Variants in IMPDH1 observed in about 807,000 individuals in gnomAD.
The protein encoded by IMPDH1 is inosine-5'-monophosphate dehydrogenase 1.
IMPDH1 carries 41 observed loss-of-function variants against 73.5 expected under a neutral mutation model. That is an observed-to-expected ratio of 0.56 (90% CI 0.43 to 0.72). The LOEUF (loss-of-function observed/expected upper bound fraction) is 0.72. Ranked by LOEUF, IMPDH1 falls within the 30% of genes least tolerant of loss-of-function variation. The probability of loss-of-function intolerance (pLI) is 0.00; values close to 1 mark genes in which losing one functional copy is unlikely to be tolerated. For synonymous variants in IMPDH1, 318 were observed against 334.3 expected (o/e 0.95, Z 0.53); for missense variants, 645 against 824.8 (o/e 0.78, Z 2.67).
chr7:128,399,571 T>C (rs974505485), intron 9 of IMPDH1, among the ~76,000 whole-genome samples: 2 of 150,356 alleles, frequency 1.3e-5, no homozygotes, highest in African/African-American at 2.5e-5. Flanking sequence ...CCTGTAATCC[T>C]GGCTACTCAG....
intron 4 of IMPDH1, among the ~76,000 whole-genome samples, chr7:128,404,022 C>T (rs954500859): frequency 1.3e-5 from 2 of 152,232 alleles, no homozygotes; most frequent in Non-Finnish European, 2.9e-5. Flanking sequence ...ATATCCATTG[C>T]CTTTAAGTCT....
At chr7:128,400,671 G>T in intron 7 of IMPDH1, 132 bp from the exon 8 acceptor site, 1 of 1,179,618 alleles carries the variant, frequency 8.5e-7, no homozygotes, top group Non-Finnish European at 1.3e-6. Context: ...GAGCCAGTGG[G>T]AAAATGAGGG....
chr7:128,409,961 A>C lies in IMPDH1; in HGVS notation c.-60T>G. Reference sequence around the variant, plus strand: ...GAGGCTCCCGGGGCCCCGGCTGGGCAGTGAGCGCAGCCCGGTCGAGTCCCG... The same window carrying C: ...GAGGCTCCCGGGGCCCCGGCTGGGCCGTGAGCGCAGCCCGGTCGAGTCCCG... On this transcript the variant is annotated 5_prime_UTR_variant, in exon 1 of 17. Transcript: ENST00000338791. 1 of 1,299,748 alleles carries C rather than the reference A, an allele frequency of 7.7e-7. No individual in the cohort carries two copies. The highest frequency in any genetic ancestry group is 9.8e-7 in the Non-Finnish European group (1 of 1,023,290). 80.5% of individuals were successfully genotyped at this position (1,299,748 alleles called of 1,614,324 possible).
In IMPDH1 at chr7:128,405,753, G is replaced by A; in HGVS notation, c.353+14C>T. ...TGGATGCGCGCACCTAGGGGTACGA[G>A]ACCCGGCGCTTACTTGTAGGTGAGG... On this transcript the variant is annotated intron_variant, in intron 4 of 16. Transcript: ENST00000338791. The A allele has an allele frequency of 2.0e-6, 3 of 1,533,822 alleles. No homozygotes were observed. The highest frequency in any genetic ancestry group is 1.4e-5 in the African/African-American group (1 of 70,962).
chr7:128,406,310 A>ACCCCCCCAC (rs1798771323), intron 3 of IMPDH1, among the ~76,000 whole-genome samples: 1 of 17,518 alleles, frequency 5.7e-5, no homozygotes, highest in African/African-American at 2.4e-4. Context: ...CACACCCCCC[A>ACCCCCCCAC]CCCCCCCCAC....
At chr7:128,400,739 C>G (rs1266707387) in intron 7 of IMPDH1, 78 bp downstream of exon 7, 1 of 1,318,828 alleles carries the variant, frequency 7.6e-7, no homozygotes, top group Non-Finnish European at 1.1e-6. Flanking sequence ...CAGTGCAGGG[C>G]TGGCAGGGGA....
At position 128,394,441 on chromosome 7, in the gene IMPDH1, A is replaced by C. The variant is rs1189255560; in HGVS notation, c.1694+15T>G. ...GAGAAAGGAAGCAGGAGCCACCCCC[A>C]GTCTCAGCACTCACCGAAGGACAGA... is the stretch of plus-strand genomic sequence containing the variant. On this transcript the variant is annotated intron_variant, in intron 15 of 16. Transcript: ENST00000338791. The surrounding 1 kb of genome is among the most constrained non-coding windows in gnomAD (Gnocchi z 5.5). 1 of 1,614,008 alleles carries C rather than the reference A, an allele frequency of 6.2e-7. No individual in the cohort carries two copies. The highest frequency in any genetic ancestry group is 8.5e-7 in the Non-Finnish European group (1 of 1,179,976).
chr7:128,404,186 G>A (rs1798541726), intron 4 of IMPDH1, among the ~76,000 whole-genome samples: 1 of 152,214 alleles, frequency 6.6e-6, no homozygotes, highest in Non-Finnish European at 1.5e-5. Context: ...AACACAGTAT[G>A]AACATGACCC....
rs143391643 is a variant in IMPDH1 at position 128,394,564 on chromosome 7, G to A, written c.1586C>T (p.Ser529Leu). Residue 529 changes from serine to leucine, a missense_variant, in exon 15 of 17, where the codon TCG (serine) becomes TTG (leucine). By Grantham distance (145) the Ser-to-Leu change is moderately radical. This residue lies in a region of IMPDH1 where 459 missense variants were observed against 638.2 expected (regional missense o/e 0.72). Transcript: ENST00000338791. This position sits in a 1 kb window ranked among gnomAD's most constrained non-coding sequence, Gnocchi z 5.5. ...GGATCCTTTGTCCTGGATGGAGCCC[G>A]AGACACCCTGCGCGATCTTCACTTT... Reference protein sequence around the residue: ...GDKVKIAQGVSGSIQDKGSIQ... With the variant: ...GDKVKIAQGVLGSIQDKGSIQ... The A allele has an allele frequency of 2.5e-6, 4 of 1,613,698 alleles. No individual in the cohort carries two copies. Among genetic ancestry groups the A allele is most frequent in the Middle Eastern group, 1.6e-4 (1 of 6,062 alleles).
In IMPDH1 at chr7:128,395,274, A is replaced by C. The variant is rs1797834925; in HGVS notation, c.1262T>G (p.Val421Gly). The stretch of plus-strand genomic sequence containing the variant: ...GCCCTGGGGCCGACCACAGGCCATC[A>C]CTGGGGGAGGGTGGGGTGCACAAGG... ...GCGSICITQEVMACGRPQGTA... is the reference protein window; with the variant it reads ...GCGSICITQEGMACGRPQGTA... Residue 421 changes from valine to glycine, a missense_variant and splice_region_variant, in exon 13 of 17, where the codon GTG becomes GGG. Physicochemically the swap from Val to Gly is moderately radical, Grantham distance 109. Coordinates refer to ENST00000338791, the MANE Select transcript of IMPDH1 (RefSeq NM_000883.4). The C allele has an allele frequency of 5.6e-6, 9 of 1,613,098 alleles. No homozygotes were observed. Among genetic ancestry groups the C allele is most frequent in the Non-Finnish European group, 5.9e-6 (7 of 1,180,010 alleles).
intron 8 of IMPDH1, 31 bp from the exon 9 acceptor site, chr7:128,400,213 T>C: frequency 6.2e-7 from 1 of 1,613,388 alleles, no homozygotes; most frequent in Non-Finnish European, 8.5e-7. Context: ...GCCTGCAGGT[T>C]GGCAGGTGAG....
chr7:128,405,870 C>G lies in IMPDH1; in HGVS notation c.255-5G>C. The G allele has an allele frequency of 6.6e-7, 1 of 1,520,060 alleles. No individual in the cohort carries two copies. Among genetic ancestry groups the G allele is most frequent in the Non-Finnish European group, 8.8e-7 (1 of 1,135,590 alleles). 94.2% of individuals were successfully genotyped at this position (1,520,060 alleles called of 1,614,324 possible). A position where few individuals can be genotyped will look rare whatever the true frequency, so the allele number is the denominator to read the frequency against. On this transcript the variant is annotated splice_polypyrimidine_tract_variant and splice_region_variant and intron_variant, in intron 3 of 16. Coordinates refer to ENST00000338791, the MANE Select transcript of IMPDH1 (RefSeq NM_000883.4). ...CTGATCAGGTAGTCCGCCATGCTGC[C>G]GCGAGACCCCGCGACCCGACATAAA...
rs981139721 is a variant in IMPDH1 at position 128,409,446 on chromosome 7, C to A, written c.185G>T (p.Arg62Leu). ...LDLATHPTTP[R>L]SELSSVVLLA... ...ACCCCAGGAGTTGGAGCCACCTGAA[C>A]GGGGTGTCGTCGGGTGTGTAGCGAG... Residue 62 changes from arginine (R) to leucine (L), a missense_variant, in exon 2 of 17, where the codon CGT becomes CTT. By Grantham distance (102) the Arg-to-Leu change is moderately radical (BLOSUM62 -2). Transcript: ENST00000338791. The A allele has an allele frequency of 1.9e-6, 3 of 1,614,218 alleles. No individual in the cohort carries two copies. The highest frequency in any genetic ancestry group is 1.7e-6 in the Non-Finnish European group (2 of 1,180,026).
intron 3 of IMPDH1, 23 bp from the exon 4 acceptor site, chr7:128,405,888 G>T: frequency 2.0e-6 from 3 of 1,502,630 alleles, no homozygotes; most frequent in Non-Finnish European, 2.7e-6. Flanking sequence ...CCCGCGACCC[G>T]ACATAAACAC....
chr7:128,394,775 A>T lies in IMPDH1; in HGVS notation c.1550+114T>A. On this transcript the variant is annotated intron_variant, in intron 14 of 16. Coordinates refer to ENST00000338791, the MANE Select transcript of IMPDH1 (RefSeq NM_000883.4). The surrounding 1 kb of genome is among the most constrained non-coding windows in gnomAD (Gnocchi z 5.5). The stretch of plus-strand genomic sequence containing the variant: ...GTCTGCTACTTAAGCCCTGTGCCTC[A>T]GTTTCCAGAACCACCATATGGGGAC... 1.4e-6 allele frequency: 2 copies of T among 1,454,250 alleles called. No homozygotes were observed. Among genetic ancestry groups the T allele is most frequent in the Non-Finnish European group, 1.9e-6 (2 of 1,047,324 alleles). 90.1% of individuals were successfully genotyped at this position (1,454,250 alleles called of 1,614,324 possible).
Position 128,396,760 on chromosome 7 carries a change from T to G in IMPDH1, c.1166-65A>C. 1 of 1,402,300 alleles carries G rather than the reference T, an allele frequency of 7.1e-7. No homozygotes were observed. The highest frequency in any genetic ancestry group is 9.9e-7 in the Non-Finnish European group (1 of 1,012,068). 86.9% of individuals were successfully genotyped at this position (1,402,300 alleles called of 1,614,324 possible). ...GGATGCCCCTGCCTGCCCAACAGCC[T>G]CTTGGGACCCCAGTCTAGCACCCCC... is the stretch of plus-strand genomic sequence containing the variant. On this transcript the variant is annotated intron_variant, in intron 11 of 16. Transcript: ENST00000338791. This position sits in a 1 kb window ranked among gnomAD's most constrained non-coding sequence, Gnocchi z 4.0.
rs751607766 is a variant in IMPDH1 at position 128,394,334 on chromosome 7, C to T, written c.1722G>A (p.Lys574=). The change falls in exon 16 of 17, where the codon AAG becomes AAA. Residue 574 remains lysine (K), a synonymous_variant. Coordinates refer to ENST00000338791, the MANE Select transcript of IMPDH1 (RefSeq NM_000883.4). The surrounding 1 kb of genome is among the most constrained non-coding windows in gnomAD (Gnocchi z 5.5). ...GGGCCGACATGGTCCGCTTCTCAAACTTGAGCTCTCCTGAGTACATCATGG... is the reference window on the plus strand; with the variant it reads ...GGGCCGACATGGTCCGCTTCTCAAATTTGAGCTCTCCTGAGTACATCATGG... The part of the protein sequence containing the change: ...LRSMMYSGEL[K]FEKRTMSAQI... The T allele has an allele frequency of 1.9e-6, 3 of 1,613,990 alleles. No individual in the cohort carries two copies. In the Admixed American group the frequency reaches 5.0e-5, roughly 27 times the overall value.
chr7:128,406,662 C>T (rs889775517), intron 3 of IMPDH1, among the ~76,000 whole-genome samples: 1 of 152,140 alleles, frequency 6.6e-6, no homozygotes. Context: ...GTACCCATTC[C>T]CTTGACAGAG....
rs1376434381 is a variant in IMPDH1 at position 128,393,030 on chromosome 7, T to C, written c.1779-2A>G. 5.6e-6 allele frequency: 9 copies of C among 1,613,632 alleles called. No homozygotes were observed. Among genetic ancestry groups the C allele is most frequent in the Non-Finnish European group, 7.6e-6 (9 of 1,179,788 alleles). On this transcript the variant is annotated splice_acceptor_variant, in intron 16 of 16. Coordinates refer to ENST00000338791, the MANE Select transcript of IMPDH1 (RefSeq NM_000883.4). LOFTEE classifies it high-confidence loss of function. ...CCTCAGTACAGCCGCTTTTCGTAAC[T>C]GTGGGGACAAGGCAAGAGGGGGAAC...
Sources: allele counts gnomAD v4.1 joint callset (sites outside exome capture counted in the v4.1 genomes callset), GRCh38; gene constraint gnomAD v4.1.1; regional missense constraint gnomAD v4.1.1; non-coding constraint Gnocchi (gnomAD v3.1); transcripts MANE v1.5; gene names NCBI Gene and HGNC (gene_info 2026-07-23, HGNC 2026-07-21).